VPS26C: variants seen among roughly 807,000 people sequenced by gnomAD.
The protein encoded by VPS26C is VPS26 endosomal protein sorting factor C, also known as vacuolar protein sorting-associated protein 26C.
Under a neutral mutation model 30.6 loss-of-function variants are expected in VPS26C, and 19 were observed. That is an observed-to-expected ratio of 0.62 (90% CI 0.43 to 0.91). The LOEUF (loss-of-function observed/expected upper bound fraction) is 0.91. VPS26C is among the 40% of genes least tolerant of loss of function. VPS26C has a pLI of 0.00. For missense variants in VPS26C, 318 were observed against 385.1 expected (o/e 0.83, Z 1.46); for synonymous variants, 132 against 151.5 (o/e 0.87, Z 0.95).
chr21:37,235,851 G>GTGTA (rs1192853000), intron 3 of VPS26C, among the ~76,000 whole-genome samples: 19 of 55,106 alleles, frequency 3.4e-4, no homozygotes, highest in Non-Finnish European at 5.6e-4. Context: ...ATATGTGTGT[G>GTGTA]TATATATATA....
At chr21:37,231,401 G>A (rs1341831855) in intron 5 of VPS26C, 1 of 152,264 alleles carries the variant, frequency 6.6e-6, no homozygotes, top group African/African-American at 2.4e-5. Context: ...TGGGAGACGG[G>A]AGTCTGAGTG....
chr21:37,262,102 T>C (rs2086310749), intron 1 of VPS26C, among the ~76,000 whole-genome samples: 1 of 151,884 alleles, frequency 6.6e-6, no homozygotes, highest in African/African-American at 2.4e-5. Context: ...AAAACAGAAA[T>C]ATTTTGGAAA....
At chr21:37,250,849 G>A (rs541577931) in intron 1 of VPS26C, among the ~76,000 whole-genome samples, 1 of 138,438 alleles carries the variant, frequency 7.2e-6, no homozygotes, top group South Asian at 2.3e-4. Flanking sequence ...GCAGTGAGCC[G>A]AGATCACACC....
rs1294950434 is a variant in VPS26C at position 37,227,794 on chromosome 21, C to T, written c.671G>A (p.Gly224Asp). 4 of 1,613,990 alleles carry T rather than the reference C, an allele frequency of 2.5e-6. No homozygotes were observed. The highest frequency in any genetic ancestry group is 3.4e-6 in the Non-Finnish European group (4 of 1,180,018). ...VRVETCGCAE[G>D]YARDATEIQN... is the part of the protein sequence containing the mutation. ...AATCTCCGTGGCGTCGCGGGCATAGCCTTCTGCACACCCTGCGGGAGGGAG... is the reference window on the plus strand; with the variant it reads ...AATCTCCGTGGCGTCGCGGGCATAGTCTTCTGCACACCCTGCGGGAGGGAG... Residue 224 changes from glycine to aspartate, a missense_variant, in exon 7 of 8, where the codon GGC becomes GAC. Gly to Asp is a moderately conservative substitution (Grantham distance 94, BLOSUM62 -1). Coordinates refer to ENST00000309117, the MANE Select transcript of VPS26C (RefSeq NM_006052.2).
intron 3 of VPS26C, among the ~76,000 whole-genome samples, chr21:37,234,429 G>A (rs1354508931): frequency 6.6e-6 from 1 of 152,174 alleles, no homozygotes; most frequent in Non-Finnish European, 1.5e-5. Context: ...TTCCCCCAAG[G>A]GGAGCCCCAC....
chr21:37,252,102 G>A (rs563321045), intron 1 of VPS26C, among the ~76,000 whole-genome samples: 12 of 152,292 alleles, frequency 7.9e-5, no homozygotes, highest in African/African-American at 2.9e-4. Flanking sequence ...TACACCTATA[G>A]TGAGATGCCT....
At chr21:37,230,965 C>G (rs983368546) in intron 5 of VPS26C, 2 of 152,406 alleles carry the variant, frequency 1.3e-5, no homozygotes, top group Non-Finnish European at 2.9e-5. Context: ...CCACGTCATT[C>G]ACAGCCACAA....
rs187265794 is a variant in VPS26C, at chr21:37,231,187, A to G, written c.507+1190T>C. Among the ~76,000 whole-genome samples the G allele has an allele frequency of 3.6e-4, 55 of 152,324 alleles. 2 individuals are homozygous for G. In the South Asian group the frequency reaches 6.2e-3, roughly 17 times the overall value. ...AACTGACAACCGAGGATCAATACAC[A>G]TTTAAGGAAAACAAAAGCAAGAAAA... On this transcript the variant is annotated intron_variant, in intron 5 of 7. Transcript: ENST00000309117.
chr21:37,235,530 T>A (rs1448473789), intron 3 of VPS26C, among the ~76,000 whole-genome samples: 1 of 152,224 alleles, frequency 6.6e-6, no homozygotes, highest in African/African-American at 2.4e-5. Context: ...ATATACAATT[T>A]CAGCAGACAT....
intron 2 of VPS26C, among the ~76,000 whole-genome samples, chr21:37,240,274 C>T (rs1486983603): frequency 6.6e-6 from 1 of 152,096 alleles, no homozygotes; most frequent in Non-Finnish European, 1.5e-5. Context: ...AGGCACGCAC[C>T]ACCACACCCG....
Position 37,257,131 on chromosome 21 carries a change from C to A in VPS26C, c.57+10107G>T, listed in dbSNP as rs2086251592. 6.6e-6 allele frequency among the ~76,000 whole-genome samples: 1 copy of A among 150,998 alleles called. No individual in the cohort carries two copies. The highest frequency in any genetic ancestry group is 2.1e-4 in the South Asian group (1 of 4,796). ...TGGGTGACAGAGTGAGGCTCTGTCT[C>A]AAAAAAACAAAACACAAAAAAACAA... On this transcript the variant is annotated intron_variant, in intron 1 of 7. Coordinates refer to ENST00000309117, the MANE Select transcript of VPS26C (RefSeq NM_006052.2). The surrounding 1 kb of genome is among the most constrained non-coding windows in gnomAD (Gnocchi z 4.2).
At chr21:37,248,197 A>G (rs770268793) in intron 1 of VPS26C, among the ~76,000 whole-genome samples, 3 of 152,090 alleles carry the variant, frequency 2.0e-5, no homozygotes, top group Non-Finnish European at 4.4e-5. Flanking sequence ...TACGTCACAT[A>G]TCAACAGGGT....
At position 37,227,867 on chromosome 21, in the gene VPS26C, G is replaced by A. The variant is rs952273610; in HGVS notation, c.659-61C>T. 3.0e-5 allele frequency: 48 copies of A among 1,590,060 alleles called. No homozygotes were observed. In the Middle Eastern group the frequency reaches 6.5e-4, roughly 22 times the overall value. ...AGCAGAGGCTGCGGGGTCCACATCC[G>A]CACCGGCACCACCCACCAGTCTGCT... On this transcript the variant is annotated intron_variant, in intron 6 of 7. Transcript: ENST00000309117.
intron 1 of VPS26C, among the ~76,000 whole-genome samples, chr21:37,252,064 T>G (rs937601155): frequency 6.6e-6 from 1 of 152,218 alleles, no homozygotes; most frequent in Non-Finnish European, 1.5e-5. Flanking sequence ...CCTGAGATTC[T>G]GCCATCCCAT....
intron 1 of VPS26C, among the ~76,000 whole-genome samples, chr21:37,247,193 C>A (rs555059937): frequency 2.0e-5 from 3 of 152,260 alleles, no homozygotes; most frequent in East Asian, 1.9e-4. Flanking sequence ...AGAGACAGAG[C>A]AGATAAGAAG....
In VPS26C at chr21:37,232,461, GAGGTGAAACCGAAATCAGT is replaced by G. The variant is rs1157616671; in HGVS notation, c.433-29_433-11del. 8 of 1,613,142 alleles carry G rather than the reference GAGGTGAAACCGAAATCAGT, an allele frequency of 5.0e-6. No homozygotes were observed. Among genetic ancestry groups the G allele is most frequent in the Non-Finnish European group, 6.8e-6 (8 of 1,179,096 alleles). ...ACTTCCCCTTCTGAGGCTAAAACGA[GAGGTGAAACCGAAATCAGT>G]AGGTGAAGGCCAAGAGTTCTGCAGG... On this transcript the variant is annotated splice_polypyrimidine_tract_variant and intron_variant, in intron 4 of 7. Coordinates refer to ENST00000309117, the MANE Select transcript of VPS26C (RefSeq NM_006052.2).
At chr21:37,263,901 T>C (rs1437844318) in intron 1 of VPS26C, among the ~76,000 whole-genome samples, 1 of 152,124 alleles carries the variant, frequency 6.6e-6, no homozygotes. Flanking sequence ...GTGAGGAGGA[T>C]AGGAGAGAAG....
At position 37,228,208 on chromosome 21, in the gene VPS26C, T is replaced by C. The variant is rs769213751; in HGVS notation, c.658+15A>G. ...GGGGACAGGCAAGCGCCAGGCCTGG[T>C]GGCACGGCCCTCACCGCACGTCTCC... On this transcript the variant is annotated intron_variant, in intron 6 of 7. Transcript: ENST00000309117. 8 of 1,607,638 alleles carry C rather than the reference T, an allele frequency of 5.0e-6. No individual in the cohort carries two copies. The highest frequency in any genetic ancestry group is 8.5e-7 in the Non-Finnish European group (1 of 1,179,532).
chr21:37,243,897 C>T (rs2086112122), intron 1 of VPS26C, among the ~76,000 whole-genome samples: 1 of 152,214 alleles, frequency 6.6e-6, no homozygotes, highest in African/African-American at 2.4e-5. Context: ...GAGTTCATAT[C>T]CAGGGTCACT....
Sources: allele counts gnomAD v4.1 joint callset (sites outside exome capture counted in the v4.1 genomes callset), GRCh38; gene constraint gnomAD v4.1.1; non-coding constraint Gnocchi (gnomAD v3.1); transcripts MANE v1.5; gene names NCBI Gene and HGNC (gene_info 2026-07-23, HGNC 2026-07-21).